Variants in NRXN1 observed in about 807,000 individuals in gnomAD.
The protein encoded by NRXN1 is neurexin-1.
NRXN1 carries 39 observed loss-of-function variants against 150.9 expected under a neutral mutation model. The observed-to-expected ratio is 0.26, with a 90% CI of 0.20 to 0.34. NRXN1 has a LOEUF of 0.34. NRXN1 is among the 10% of genes least tolerant of loss of function. The probability of loss-of-function intolerance (pLI) is 1.00; values close to 1 mark genes in which losing one functional copy is unlikely to be tolerated. For synonymous variants in NRXN1, 924 were observed against 757.0 expected, an observed-to-expected ratio of 1.22 and a Z score of -3.62; for missense variants, 1,815 against 1,949.9, an observed-to-expected ratio of 0.93 and a Z score of 1.30.
chr2:50,508,608 A>C (rs557677329), intron 12 of NRXN1, among the ~76,000 whole-genome samples: 1 of 151,882 alleles, frequency 6.6e-6, no homozygotes, highest in South Asian at 2.1e-4. Context: ...AAGCAGCTTC[A>C]CTTCTATTCT....
At chr2:50,658,367 T>C (rs1364312815) in intron 5 of NRXN1, among the ~76,000 whole-genome samples, 3 of 151,220 alleles carry the variant, frequency 2.0e-5, no homozygotes, top group South Asian at 2.1e-4. Context: ...TTGATCTCTT[T>C]AGTGTAAACT....
intron 5 of NRXN1, among the ~76,000 whole-genome samples, chr2:50,769,371 C>T (rs896068222): frequency 6.6e-6 from 1 of 152,082 alleles, no homozygotes; most frequent in Non-Finnish European, 1.5e-5. Context: ...AATGCACTAA[C>T]ATCATTTCCC....
chr2:50,437,196 A>G (rs1428906717), intron 17 of NRXN1, among the ~76,000 whole-genome samples: 1 of 152,238 alleles, frequency 6.6e-6, no homozygotes, highest in Non-Finnish European at 1.5e-5. Context: ...TGCTAAAGAC[A>G]TAAGTAAGCA....
At chr2:50,670,215 T>C (rs1269467412) in intron 5 of NRXN1, among the ~76,000 whole-genome samples, 2 of 151,904 alleles carry the variant, frequency 1.3e-5, no homozygotes, top group Non-Finnish European at 2.9e-5. Flanking sequence ...TGAAAAAGCA[T>C]CATACATGTT....
At chr2:50,844,328 T>C (rs998597266) in intron 5 of NRXN1, among the ~76,000 whole-genome samples, 1 of 152,216 alleles carries the variant, frequency 6.6e-6, no homozygotes, top group African/African-American at 2.4e-5. Flanking sequence ...TAAATTTTGA[T>C]TTCCCAATAA....
At chr2:50,272,739 T>C (rs2069867218) in intron 17 of NRXN1, among the ~76,000 whole-genome samples, 1 of 152,078 alleles carries the variant, frequency 6.6e-6, no homozygotes, top group African/African-American at 2.4e-5. Context: ...AAAGGGAACT[T>C]AAATATACAA....
chr2:50,040,898 G>C (rs141875806), intron 21 of NRXN1, among the ~76,000 whole-genome samples: 3 of 151,338 alleles, frequency 2.0e-5, no homozygotes, highest in Non-Finnish European at 4.4e-5. Flanking sequence ...TAAGTTTTAG[G>C]GTACATGTGC....
intron 19 of NRXN1, among the ~76,000 whole-genome samples, chr2:50,086,821 T>C (rs368777712): frequency 0.014 from 1,938 of 142,828 alleles, 45 homozygotes; most frequent in African/African-American, 0.048. Context: ...CAGAGAAGAA[T>C]GAGAGAGAGA....
chr2:50,509,108 A>G (rs1192300791), intron 12 of NRXN1, among the ~76,000 whole-genome samples: 1 of 152,206 alleles, frequency 6.6e-6, no homozygotes, highest in South Asian at 2.1e-4. Flanking sequence ...CTATAAAGCT[A>G]CAACTACTTG....
intron 18 of NRXN1, among the ~76,000 whole-genome samples, chr2:50,148,789 AG>A (rs2058520248): frequency 6.6e-6 from 1 of 151,690 alleles, no homozygotes; most frequent in Non-Finnish European, 1.5e-5. Flanking sequence ...ATTAAATACC[AG>A]CCATTCTAAG....
chr2:50,749,393 A>C (rs1298081778), intron 5 of NRXN1, among the ~76,000 whole-genome samples: 2 of 151,990 alleles, frequency 1.3e-5, no homozygotes, highest in Non-Finnish European at 2.9e-5. Context: ...CCACAGAGAA[A>C]AGGGATTAGA....
chr2:50,094,437 T>C (rs1246605090), intron 18 of NRXN1, among the ~76,000 whole-genome samples: 1 of 152,200 alleles, frequency 6.6e-6, no homozygotes, highest in Non-Finnish European at 1.5e-5. Context: ...CTATCTCAAG[T>C]GCAGGAGAAA....
At chr2:50,071,657 T>C (rs1696313397) in intron 19 of NRXN1, among the ~76,000 whole-genome samples, 1 of 152,232 alleles carries the variant, frequency 6.6e-6, no homozygotes, top group African/African-American at 2.4e-5. Context: ...ATTTCTCTCA[T>C]TTAAGCTACC....
intron 21 of NRXN1, among the ~76,000 whole-genome samples, chr2:50,041,086 T>C (rs911099732): frequency 4.6e-5 from 7 of 152,124 alleles, no homozygotes; most frequent in African/African-American, 1.7e-4. Context: ...AATATTAATA[T>C]ATTTTATTTT....
intron 2 of NRXN1, among the ~76,000 whole-genome samples, chr2:50,945,455 C>A (rs1690195839): frequency 6.6e-6 from 1 of 151,942 alleles, no homozygotes; most frequent in Non-Finnish European, 1.5e-5. Context: ...CAGAGTGAGA[C>A]ACTGTCTCAA....
intron 5 of NRXN1, among the ~76,000 whole-genome samples, chr2:50,828,907 A>C (rs1225394387): frequency 6.6e-6 from 1 of 152,216 alleles, no homozygotes; most frequent in Admixed American, 6.5e-5. Context: ...TAGCGAGCCA[A>C]GATCACGCCA....
At chr2:50,854,080 T>C (rs907006074) in intron 5 of NRXN1, among the ~76,000 whole-genome samples, 5 of 152,086 alleles carry the variant, frequency 3.3e-5, no homozygotes, top group South Asian at 2.1e-4. Flanking sequence ...AAAGACAAGA[T>C]TGAGAATCAC....
intron 21 of NRXN1, among the ~76,000 whole-genome samples, chr2:49,945,988 A>G (rs1572980072): frequency 6.6e-6 from 1 of 152,240 alleles, no homozygotes; most frequent in South Asian, 2.1e-4. Context: ...GGTTGAACTA[A>G]TTTACACTCC....
At position 50,666,625 on chromosome 2, in the gene NRXN1, G is replaced by A; in HGVS notation, c.833-43010C>T. 1.3e-5 allele frequency among the ~76,000 whole-genome samples: 2 copies of A among 151,898 alleles called. 1 individual carries two copies. Among genetic ancestry groups the A allele is most frequent in the Non-Finnish European group, 2.9e-5 (2 of 67,924 alleles). ...GGGCATGACAATAAACAGAGTGTTT[G>A]CTTCATGGGAATAAATGATTGTATT... On this transcript the variant is annotated intron_variant, in intron 5 of 22. Coordinates refer to ENST00000401669, the MANE Select transcript of NRXN1 (RefSeq NM_001330078.2).
Sources: allele counts gnomAD v4.1 joint callset (sites outside exome capture counted in the v4.1 genomes callset), GRCh38; gene constraint gnomAD v4.1.1; transcripts MANE v1.5; gene names NCBI Gene and HGNC (gene_info 2026-07-23, HGNC 2026-07-21).